Variants in NOS1AP observed in about 807,000 individuals in gnomAD.
The protein encoded by NOS1AP is nitric oxide synthase 1 adaptor protein.
In NOS1AP, 21 loss-of-function variants were observed where a neutral mutation model predicts 56.2. The ratio of observed to expected loss-of-function variants is 0.37; its 90% CI spans 0.26 to 0.54. The LOEUF is 0.54. Ranked by LOEUF, NOS1AP falls within the 20% of genes least tolerant of loss-of-function variation. The pLI is 0.84. For synonymous variants in NOS1AP, 270 were observed against 274.6 expected, an observed-to-expected ratio of 0.98 and a Z score of 0.17; for missense variants, 522 against 657.8, an observed-to-expected ratio of 0.79 and a Z score of 2.26.
At position 162,367,036 on chromosome 1, in the gene NOS1AP, C is replaced by CT. The variant is rs771376382; in HGVS notation, c.1106-14dup. ...GCCTAACGCTGCCCCTCTGCTACCT[C>CT]TTGTCTCCCCTGCAGTGGGCTCCCA... On this transcript the variant is annotated splice_polypyrimidine_tract_variant and intron_variant, in intron 9 of 9. Coordinates refer to ENST00000361897, the MANE Select transcript of NOS1AP (RefSeq NM_014697.3). This position sits in a 1 kb window ranked among gnomAD's most constrained non-coding sequence, Gnocchi z 6.5. 1.7e-5 allele frequency: 27 copies of CT among 1,613,656 alleles called. No individual in the cohort carries two copies. Among genetic ancestry groups the CT allele is most frequent in the Non-Finnish European group, 2.3e-5 (27 of 1,179,996 alleles).
chr1:162,234,887 G>A (rs899126064), intron 2 of NOS1AP, among the ~76,000 whole-genome samples: 1 of 152,110 alleles, frequency 6.6e-6, no homozygotes, highest in African/African-American at 2.4e-5. Flanking sequence ...CTGGAGTTCT[G>A]CAAACTATAC....
At chr1:162,284,305 T>C (rs574070577) in intron 2 of NOS1AP, among the ~76,000 whole-genome samples, 3 of 152,358 alleles carry the variant, frequency 2.0e-5, no homozygotes, top group African/African-American at 7.2e-5. Flanking sequence ...GTTTCCAACA[T>C]AATTGCAAGT....
intron 2 of NOS1AP, among the ~76,000 whole-genome samples, chr1:162,243,664 G>A (rs188560754): frequency 9.1e-4 from 139 of 152,240 alleles, no homozygotes; most frequent in Non-Finnish European, 1.5e-3. Flanking sequence ...CAGCTCTTGG[G>A]GTTAATTCTG....
intron 9 of NOS1AP, 128 bp from the exon 10 acceptor site, chr1:162,366,924 C>A: frequency 1.9e-6 from 2 of 1,032,290 alleles, no homozygotes; most frequent in Non-Finnish European, 3.1e-6. Context: ...AGACCCAAAG[C>A]CCGGAGAGGT....
intron 2 of NOS1AP, among the ~76,000 whole-genome samples, chr1:162,254,170 G>A (rs935782426): frequency 1.1e-4 from 17 of 152,128 alleles, no homozygotes; most frequent in Non-Finnish European, 4.4e-5. Flanking sequence ...TCAGCATCTC[G>A]CCCTGGGTCT....
At chr1:162,358,472 A>G (rs1227490877) in intron 8 of NOS1AP, among the ~76,000 whole-genome samples, 1 of 152,222 alleles carries the variant, frequency 6.6e-6, no homozygotes, top group Non-Finnish European at 1.5e-5. Flanking sequence ...AAACAAAAGG[A>G]TATCTCGTGA....
intron 2 of NOS1AP, among the ~76,000 whole-genome samples, chr1:162,240,410 T>A (rs1398667738): frequency 1.3e-5 from 2 of 152,236 alleles, no homozygotes; most frequent in Non-Finnish European, 2.9e-5. Context: ...TTTTGGCTTA[T>A]ACATTCTGCC....
intron 2 of NOS1AP, among the ~76,000 whole-genome samples, chr1:162,204,305 C>T (rs1427332797): frequency 6.6e-6 from 1 of 152,254 alleles, no homozygotes; most frequent in Non-Finnish European, 1.5e-5. Context: ...CTCCACGATG[C>T]TCTCCCATCC....
chr1:162,328,902 A>C (rs1461363053), intron 4 of NOS1AP, among the ~76,000 whole-genome samples: 1 of 152,180 alleles, frequency 6.6e-6, no homozygotes. Flanking sequence ...ATGACCCCAT[A>C]GGTTTCTTTC....
chr1:162,295,626 A>T (rs1174207975), intron 3 of NOS1AP, among the ~76,000 whole-genome samples: 1 of 152,210 alleles, frequency 6.6e-6, no homozygotes. Flanking sequence ...CTTGCAAAAC[A>T]TAGGCAATAA....
intron 5 of NOS1AP, among the ~76,000 whole-genome samples, chr1:162,339,842 C>A (rs987254893): frequency 6.6e-6 from 1 of 152,240 alleles, no homozygotes; most frequent in Non-Finnish European, 1.5e-5. Flanking sequence ...GGTGAAGACA[C>A]AGCCCCTCCC....
intron 1 of NOS1AP, among the ~76,000 whole-genome samples, chr1:162,148,772 G>T (rs1196937765): frequency 2.0e-5 from 3 of 152,204 alleles, no homozygotes; most frequent in Non-Finnish European, 2.9e-5. Context: ...AGAATGGTTT[G>T]CAGAGGGCCA....
At chr1:162,110,610 T>C (rs760572327) in intron 1 of NOS1AP, among the ~76,000 whole-genome samples, 2 of 152,196 alleles carry the variant, frequency 1.3e-5, no homozygotes, top group African/African-American at 2.4e-5. Context: ...GTAATATCTT[T>C]AGGTGATGCC....
intron 2 of NOS1AP, among the ~76,000 whole-genome samples, chr1:162,229,747 A>C (rs2101667123): frequency 6.6e-6 from 1 of 152,314 alleles, no homozygotes; most frequent in South Asian, 2.1e-4. Flanking sequence ...TCCCTGAATG[A>C]TAATCCCAGG....
intron 9 of NOS1AP, among the ~76,000 whole-genome samples, chr1:162,366,550 C>T (rs965715028): frequency 6.6e-6 from 1 of 152,106 alleles, no homozygotes; most frequent in Non-Finnish European, 1.5e-5. Flanking sequence ...GATCCTACAT[C>T]GTTCTGTCTA....
At chr1:162,139,883 C>A (rs1419292732) in intron 1 of NOS1AP, among the ~76,000 whole-genome samples, 1 of 151,874 alleles carries the variant, frequency 6.6e-6, no homozygotes, top group Non-Finnish European at 1.5e-5. Flanking sequence ...GGCTGGAGGG[C>A]AGTGTGTGAT....
intron 1 of NOS1AP, among the ~76,000 whole-genome samples, chr1:162,128,333 G>A (rs1648581161): frequency 6.6e-6 from 1 of 151,934 alleles, no homozygotes; most frequent in African/African-American, 2.4e-5. Flanking sequence ...GTATGCACTT[G>A]GGTTTTTAAA....
At chr1:162,171,406 T>C (rs1650774768) in intron 2 of NOS1AP, among the ~76,000 whole-genome samples, 1 of 152,192 alleles carries the variant, frequency 6.6e-6, no homozygotes, top group Admixed American at 6.5e-5. Flanking sequence ...CCTGGTGTCA[T>C]GGGGCTGCTC....
chr1:162,364,201 T>A (rs1299105589), intron 8 of NOS1AP: 1 of 985,330 alleles, frequency 1.0e-6, no homozygotes, highest in East Asian at 1.1e-4. Flanking sequence ...TGACTCCCCA[T>A]CCATCTTCCT....
Sources: allele counts gnomAD v4.1 joint callset (sites outside exome capture counted in the v4.1 genomes callset), GRCh38; gene constraint gnomAD v4.1.1; non-coding constraint Gnocchi (gnomAD v3.1); transcripts MANE v1.5; gene names NCBI Gene and HGNC (gene_info 2026-07-23, HGNC 2026-07-21).